DHX40: variants seen among roughly 807,000 people sequenced by gnomAD.
DHX40 encodes probable ATP-dependent RNA helicase DHX40.
In DHX40, 28 loss-of-function variants were observed where a neutral mutation model predicts 89.6. That is an observed-to-expected ratio of 0.31 (90% CI 0.23 to 0.43). The LOEUF is 0.43. Among genes scored for constraint, DHX40 ranks in the 20% least tolerant of loss-of-function variants. The pLI is 1.00. For synonymous variants in DHX40, 226 were observed against 283.6 expected (o/e 0.80, Z 2.04); for missense variants, 457 against 844.0 (o/e 0.54, Z 5.68).
chr17:59,594,969 GTC>G (rs1205330097), intron 12 of DHX40, among the ~76,000 whole-genome samples: 3 of 152,082 alleles, frequency 2.0e-5, no homozygotes, highest in African/African-American at 7.2e-5. Context: ...TTTAATAGAT[GTC>G]TCTCTAGAAA....
At chr17:59,586,014 C>G (rs1386632386) in intron 10 of DHX40, 139 bp from the exon 11 acceptor site, 1 of 669,914 alleles carries the variant, frequency 1.5e-6, no homozygotes, top group African/African-American at 1.9e-5. Context: ...TGATCATGAT[C>G]ATATAATTTT....
chr17:59,603,483 A>G (rs2030661452), intron 15 of DHX40: 1 of 152,186 alleles, frequency 6.6e-6, no homozygotes, highest in South Asian at 2.1e-4. Flanking sequence ...CCAGCAAGTA[A>G]AGAAGTGATT....
In DHX40 at chr17:59,602,542, G is replaced by C; in HGVS notation, c.1827G>C (p.Glu609Asp). 6.2e-7 allele frequency: 1 copy of C among 1,613,358 alleles called. No homozygotes were observed. Among genetic ancestry groups the C allele is most frequent in the Non-Finnish European group, 8.5e-7 (1 of 1,179,552 alleles). ...TATAGCAAAGTGATTTCCCAAAAGA[G>C]ACCTTTGAAGGCCCTAAACATGAAG... ...KLKQQSDFPK[E>D]TFEGPKHEVL... Residue 609 changes from glutamate to aspartate, a missense_variant, in exon 15 of 18, where the codon GAG (glutamate) becomes GAC (aspartate). Coordinates refer to ENST00000251241, the MANE Select transcript of DHX40 (RefSeq NM_024612.5).
chr17:59,596,212 T>C (rs1396766847), intron 12 of DHX40, among the ~76,000 whole-genome samples: 19 of 152,162 alleles, frequency 1.2e-4, no homozygotes, highest in Non-Finnish European at 2.2e-4. Flanking sequence ...ATTTGACTTT[T>C]GGCATGATAT....
chr17:59,573,140 G>T lies in DHX40; in HGVS notation c.451G>T (p.Asp151Tyr). The T allele has an allele frequency of 1.2e-6, 2 of 1,612,566 alleles. No individual in the cohort carries two copies. The highest frequency in any genetic ancestry group is 1.7e-6 in the Non-Finnish European group (2 of 1,179,506). ...GGAGACAGCAATCAAATATATGACT[G>T]ATGGATGTTTACTGAAACATATTCT... ...SKETAIKYMTDGCLLKHILGD... is the reference protein window; with the variant it reads ...SKETAIKYMTYGCLLKHILGD... The change falls in exon 4 of 18, where the codon GAT (aspartate) becomes TAT (tyrosine). Residue 151 changes from aspartate (D) to tyrosine (Y), a missense_variant. Physicochemically the swap from Asp to Tyr is radical, Grantham distance 160. This residue lies in a region of DHX40 where 9 missense variants were observed against 44.4 expected (regional missense o/e 0.20). Transcript: ENST00000251241.
chr17:59,581,037 A>G (rs1186458613), intron 10 of DHX40, among the ~76,000 whole-genome samples: 3 of 150,312 alleles, frequency 2.0e-5, no homozygotes, highest in Non-Finnish European at 4.4e-5. Flanking sequence ...TGCCAAGATC[A>G]CACCACTGCA....
At chr17:59,595,618 AG>A (rs1250472711) in intron 12 of DHX40, among the ~76,000 whole-genome samples, 14 of 123,186 alleles carry the variant, frequency 1.1e-4, no homozygotes, top group African/African-American at 4.5e-4. Flanking sequence ...TAACATCCAA[AG>A]GACTGAGCCC....
Position 59,607,055 on chromosome 17 carries a change from A to G in DHX40, c.2223A>G (p.Leu741=). The G allele has an allele frequency of 6.2e-7, 1 of 1,613,684 alleles. No homozygotes were observed. Among genetic ancestry groups the G allele is most frequent in the Non-Finnish European group, 8.5e-7 (1 of 1,179,922 alleles). Residue 741 remains leucine, a synonymous_variant, in exon 18 of 18, where the codon TTA becomes TTG. Coordinates refer to ENST00000251241, the MANE Select transcript of DHX40 (RefSeq NM_024612.5). ...CAGATGGAATATCGAAAGACGTCTT[A>G]AAGAAAATGCAAAGAAGAAATGATG... ...QLKDGISKDV[L]KKMQRRNDDK... is the part of the protein sequence containing the mutation.
At chr17:59,600,466 C>CTTT (rs57671289) in intron 14 of DHX40, among the ~76,000 whole-genome samples, 33 of 148,772 alleles carry the variant, frequency 2.2e-4, no homozygotes, top group African/African-American at 8.1e-4. Flanking sequence ...AGTATATGCT[C>CTTT]TTTTTTTTTT....
At chr17:59,581,172 CAG>C (rs2048942017) in intron 10 of DHX40, among the ~76,000 whole-genome samples, 1 of 143,212 alleles carries the variant, frequency 7.0e-6, no homozygotes, top group Admixed American at 7.0e-5. Context: ...CCATGAAAGA[CAG>C]AGTAATACTC....
intron 15 of DHX40, chr17:59,603,643 G>T (rs953762510): frequency 2.0e-5 from 3 of 151,966 alleles, no homozygotes; most frequent in African/African-American, 7.3e-5. Context: ...TGTCTATCGT[G>T]GTATAAATAA....
Position 59,565,655 on chromosome 17 carries a change from C to T in DHX40, c.-17C>T, listed in dbSNP as rs369157956. On this transcript the variant is annotated 5_prime_UTR_variant, in exon 1 of 18. Transcript: ENST00000251241. ...TCAGATCGGTGGACGTGCTCGCCTC[C>T]ACTCGGGGCCAGGTCTATGTCCCGG... The T allele has an allele frequency of 1.3e-5, 21 of 1,594,140 alleles. 1 individual carries two copies. In the African/African-American group the frequency reaches 2.3e-4, roughly 17 times the overall value.
intron 17 of DHX40, 165 bp downstream of exon 17, chr17:59,605,839 C>T (rs1182748752): frequency 8.3e-6 from 6 of 718,704 alleles, no homozygotes; most frequent in African/African-American, 1.7e-5. Context: ...TTGGTGTGCA[C>T]CTGTAGTCCC....
intron 14 of DHX40, among the ~76,000 whole-genome samples, chr17:59,600,844 C>G (rs1157218716): frequency 1.4e-5 from 2 of 137,980 alleles, no homozygotes; most frequent in African/African-American, 6.1e-5. Context: ...AGCACCCTGT[C>G]TCAAAAAAAT....
At chr17:59,600,213 C>G (rs1376238145) in intron 14 of DHX40, among the ~76,000 whole-genome samples, 1 of 152,092 alleles carries the variant, frequency 6.6e-6, no homozygotes, top group Non-Finnish European at 1.5e-5. Flanking sequence ...TGTCATGATA[C>G]AGTAAGTCCT....
chr17:59,570,159 TATA>T lies in DHX40; in HGVS notation c.281-355_281-353del, dbSNP rs1163868466. Among the ~76,000 whole-genome samples the T allele has an allele frequency of 4.3e-4, 55 of 127,628 alleles. 1 individual carries two copies. The highest frequency in any genetic ancestry group is 1.6e-3 in the Admixed American group (17 of 10,406). 83.7% of individuals were successfully genotyped at this position (127,628 alleles called of 152,430 possible). A position where few individuals can be genotyped will look rare whatever the true frequency, so the allele number is the denominator to read the frequency against. ...AATATATTATAAATTATATAATACATATAATATGTTATATATTAATATATATAA... is the reference window on the plus strand; with the variant it reads ...AATATATTATAAATTATATAATACATATATGTTATATATTAATATATATAA... On this transcript the variant is annotated intron_variant, in intron 2 of 17. Coordinates refer to ENST00000251241, the MANE Select transcript of DHX40 (RefSeq NM_024612.5).
intron 16 of DHX40, 28 bp from the exon 17 acceptor site, chr17:59,605,418 C>A: frequency 6.3e-7 from 1 of 1,591,414 alleles, no homozygotes; most frequent in Non-Finnish European, 8.6e-7. Context: ...TATTGAGTTA[C>A]CATCATTAAA....
intron 10 of DHX40, among the ~76,000 whole-genome samples, chr17:59,580,799 G>C (rs1369825813): frequency 6.6e-6 from 1 of 150,672 alleles, no homozygotes; most frequent in African/African-American, 2.5e-5. Flanking sequence ...CAAAAGAAGG[G>C]GGCTGGGCGT....
chr17:59,605,035 G>A (rs2030758386), intron 15 of DHX40, 80 bp from the exon 16 acceptor site: 2 of 1,184,630 alleles, frequency 1.7e-6, no homozygotes, highest in Non-Finnish European at 2.5e-6. Context: ...TATTGTAATT[G>A]TTCATTGCTG....
Sources: allele counts gnomAD v4.1 joint callset (sites outside exome capture counted in the v4.1 genomes callset), GRCh38; gene constraint gnomAD v4.1.1; regional missense constraint gnomAD v4.1.1; transcripts MANE v1.5; gene names NCBI Gene and HGNC (gene_info 2026-07-23, HGNC 2026-07-21).